Variants in FIGN observed in about 807,000 individuals in gnomAD.
FIGN encodes fidgetin.
A neutral mutation model predicts 51.3 loss-of-function variants in FIGN; 11 were observed. The observed-to-expected ratio is 0.21, with a 90% confidence interval of 0.13 to 0.35. The LOEUF (loss-of-function observed/expected upper bound fraction) is 0.35, where lower values mean the gene tolerates loss of function less well. FIGN is among the 10% of genes least tolerant of loss of function. The probability of loss-of-function intolerance (pLI) is 1.00; values close to 1 mark genes in which losing one functional copy is unlikely to be tolerated. For synonymous variants in FIGN, 407 were observed against 363.2 expected (o/e 1.12, Z -1.37); for missense variants, 857 against 943.6 (o/e 0.91, Z 1.20).
intron 2 of FIGN, among the ~76,000 whole-genome samples, chr2:163,622,255 A>C (rs939597057): frequency 2.6e-5 from 4 of 152,068 alleles, no homozygotes; most frequent in Non-Finnish European, 5.9e-5. Context: ...GAATAGCTTG[A>C]ACTGGGGAGA....
intron 2 of FIGN, among the ~76,000 whole-genome samples, chr2:163,689,092 C>T (rs949801516): frequency 6.6e-5 from 10 of 151,176 alleles, no homozygotes; most frequent in Non-Finnish European, 8.8e-5. Flanking sequence ...CCTAGGAGAT[C>T]GAGGCTGCAG....
intron 2 of FIGN, among the ~76,000 whole-genome samples, chr2:163,635,386 A>G (rs550917837): frequency 1.3e-5 from 2 of 152,288 alleles, no homozygotes; most frequent in East Asian, 3.9e-4. Context: ...TGGGCAACAT[A>G]GTAAGACCTC....
chr2:163,652,361 A>ACACACACACACAC (rs776188112), intron 2 of FIGN, among the ~76,000 whole-genome samples: 11 of 139,374 alleles, frequency 7.9e-5, no homozygotes, highest in African/African-American at 1.7e-4. Context: ...CACACACACA[A>ACACACACACACAC]ACACACACAC....
chr2:163,684,555 G>A (rs1051816546), intron 2 of FIGN, among the ~76,000 whole-genome samples: 1 of 152,106 alleles, frequency 6.6e-6, no homozygotes. Flanking sequence ...CCCTAGCTTG[G>A]TTGTCTACAT....
intron 2 of FIGN, among the ~76,000 whole-genome samples, chr2:163,678,587 A>G (rs1200600302): frequency 2.0e-5 from 3 of 152,180 alleles, no homozygotes; most frequent in African/African-American, 4.8e-5. Context: ...CTTGCTTTTA[A>G]TTAGAACTAT....
At chr2:163,614,606 G>T (rs189567843) in intron 2 of FIGN, among the ~76,000 whole-genome samples, 2 of 151,514 alleles carry the variant, frequency 1.3e-5, no homozygotes, top group Middle Eastern at 3.4e-3. Flanking sequence ...ACAGAAAAAC[G>T]TGAAAAAAAA....
chr2:163,635,545 G>A (rs1683211455), intron 2 of FIGN, among the ~76,000 whole-genome samples: 1 of 152,158 alleles, frequency 6.6e-6, no homozygotes, highest in Non-Finnish European at 1.5e-5. Context: ...TCCTGCCTGG[G>A]CGACAGAGTG....
chr2:163,625,922 G>A (rs569829328), intron 2 of FIGN, among the ~76,000 whole-genome samples: 11 of 151,992 alleles, frequency 7.2e-5, no homozygotes, highest in Non-Finnish European at 1.3e-4. Context: ...AAATGAAAAA[G>A]TACAAAAAAT....
intron 2 of FIGN, among the ~76,000 whole-genome samples, chr2:163,635,739 T>C (rs1360857637): frequency 2.0e-5 from 3 of 152,166 alleles, no homozygotes; most frequent in Admixed American, 6.5e-5. Context: ...TGATATCTAA[T>C]GGTTAGAGGG....
rs558956132 is a variant in FIGN, at chr2:163,724,181, G to A, written c.25+10722C>T. ...TACCCAAGGTAACAAAATGATCTTC[G>A]ACTGTGGGCTTCTGCTGACACTGTC... On this transcript the variant is annotated intron_variant, in intron 2 of 2. Transcript: ENST00000333129. 7.2e-5 allele frequency among the ~76,000 whole-genome samples: 11 copies of A among 152,230 alleles called. No homozygotes were observed. The South Asian group carries it at 1.9e-3, about 26-fold the overall frequency.
rs571953640 is a variant in FIGN, at chr2:163,605,693, G to A, written c.*3859C>T. ...AGTGGCCTCAATAGTTCAACAAGCTGCGTCCCTTTCACTTTGCAAAATACA... is the reference window on the plus strand; with the variant it reads ...AGTGGCCTCAATAGTTCAACAAGCTACGTCCCTTTCACTTTGCAAAATACA... On this transcript the variant is annotated 3_prime_UTR_variant, in exon 3 of 3. Coordinates refer to ENST00000333129, the MANE Select transcript of FIGN (RefSeq NM_018086.4). The A allele has an allele frequency of 1.3e-5, 2 of 151,818 alleles. No individual in the cohort carries two copies. Among genetic ancestry groups the A allele is most frequent in the Non-Finnish European group, 2.9e-5 (2 of 67,962 alleles). The allele number at this position is 151,818 out of a possible 1,614,324, so 9.4% of individuals were successfully genotyped here.
At chr2:163,712,928 C>T (rs748444446) in intron 2 of FIGN, among the ~76,000 whole-genome samples, 8 of 152,078 alleles carry the variant, frequency 5.3e-5, no homozygotes, top group African/African-American at 1.9e-4. Context: ...CTAAAGTAAA[C>T]GTTGGTGAAA....
chr2:163,697,109 T>C (rs1338608466), intron 2 of FIGN, among the ~76,000 whole-genome samples: 1 of 146,138 alleles, frequency 6.8e-6, no homozygotes, highest in Non-Finnish European at 1.5e-5. Flanking sequence ...TCTTTCTTTT[T>C]TTTTTTTTTT....
intron 2 of FIGN, among the ~76,000 whole-genome samples, chr2:163,623,592 T>C (rs905338668): frequency 2.0e-5 from 3 of 152,192 alleles, no homozygotes; most frequent in Non-Finnish European, 2.9e-5. Context: ...TGGTGAGTCA[T>C]AGGTCTAAAA....
At chr2:163,680,809 C>T (rs1684050638) in intron 2 of FIGN, among the ~76,000 whole-genome samples, 1 of 151,192 alleles carries the variant, frequency 6.6e-6, no homozygotes, top group Non-Finnish European at 1.5e-5. Flanking sequence ...AAAATTATAC[C>T]TACATATATG....
intron 2 of FIGN, among the ~76,000 whole-genome samples, chr2:163,667,343 A>AG (rs1365801141): frequency 1.3e-5 from 2 of 151,884 alleles, no homozygotes; most frequent in African/African-American, 4.8e-5. Context: ...CCCCACAAAA[A>AG]AAAAAAAAAA....
intron 2 of FIGN, among the ~76,000 whole-genome samples, chr2:163,730,504 TTGTGTG>T (rs59444555): frequency 0.025 from 3,772 of 149,004 alleles, 155 homozygotes; most frequent in African/African-American, 0.088. Flanking sequence ...TGCTCCGTGT[TTGTGTG>T]TGTGTGTGTG....
chr2:163,730,303 G>C (rs973584449), intron 2 of FIGN, among the ~76,000 whole-genome samples: 1 of 152,070 alleles, frequency 6.6e-6, no homozygotes, highest in Non-Finnish European at 1.5e-5. Flanking sequence ...TACCAAAGCA[G>C]CTATGCTTAA....
At chr2:163,663,759 G>A (rs1282849767) in intron 2 of FIGN, among the ~76,000 whole-genome samples, 4 of 151,774 alleles carry the variant, frequency 2.6e-5, no homozygotes, top group Admixed American at 1.3e-4. Context: ...GCACATGCCT[G>A]TAATCCCAGC....
Sources: gnomAD v4.1 joint callset for allele counts (sites outside exome capture counted in the v4.1 genomes callset) on GRCh38, gnomAD v4.1.1 for gene constraint, MANE v1.5 for transcripts, NCBI Gene and HGNC (gene_info 2026-07-23, HGNC 2026-07-21) for gene names.